The following PDE11A variants were observed in gnomAD, a reference collection of about 807,000 sequenced individuals.
The protein encoded by PDE11A is dual 3',5'-cyclic-AMP and -GMP phosphodiesterase 11A.
PDE11A carries 100 observed loss-of-function variants against 100.5 expected under a neutral mutation model. That is an observed-to-expected ratio of 1.00 (90% CI 0.85 to 1.18). The LOEUF is 1.18. Ranked by LOEUF, PDE11A falls within the 50% of genes most tolerant of loss-of-function variation. PDE11A has a pLI of 0.00. For synonymous variants in PDE11A, 381 were observed against 420.8 expected, an observed-to-expected ratio of 0.91 and a Z score of 1.16; for missense variants, 1,141 against 1,152.6, an observed-to-expected ratio of 0.99 and a Z score of 0.15.
intron 19 of PDE11A, among the ~76,000 whole-genome samples, chr2:177,640,324 A>T (rs893194129): frequency 4.6e-5 from 7 of 152,334 alleles, no homozygotes; most frequent in African/African-American, 9.6e-5. Flanking sequence ...GAAAATATCA[A>T]AAAAATCATT....
At chr2:177,765,251 A>G (rs573126909) in intron 10 of PDE11A, among the ~76,000 whole-genome samples, 2 of 152,312 alleles carry the variant, frequency 1.3e-5, no homozygotes, top group South Asian at 4.1e-4. Context: ...AAACAGAAAG[A>G]CCAGATATGA....
intron 12 of PDE11A, among the ~76,000 whole-genome samples, chr2:177,724,351 A>T (rs1244089282): frequency 6.6e-6 from 1 of 152,002 alleles, no homozygotes; most frequent in East Asian, 1.9e-4. Flanking sequence ...AAAGGAACAA[A>T]ACCGCTTTGT....
intron 9 of PDE11A, among the ~76,000 whole-genome samples, chr2:177,803,040 T>C (rs747045674): frequency 4.0e-5 from 6 of 151,854 alleles, no homozygotes; most frequent in Non-Finnish European, 5.9e-5. Context: ...TTCATTTTTG[T>C]CTTGAGAAAT....
At chr2:177,785,202 T>A (rs1483762156) in intron 9 of PDE11A, among the ~76,000 whole-genome samples, 4 of 152,174 alleles carry the variant, frequency 2.6e-5, no homozygotes, top group Non-Finnish European at 4.4e-5. Context: ...TATGCACTTT[T>A]CAATCATATT....
chr2:177,870,764 C>T (rs1045910608), intron 5 of PDE11A, among the ~76,000 whole-genome samples: 5 of 152,030 alleles, frequency 3.3e-5, no homozygotes, highest in South Asian at 2.1e-4. Context: ...AGGAAAAAAA[C>T]GGGATAATTC....
rs571018754 is a variant in PDE11A, at chr2:177,843,196, G to T, written c.1368-2813C>A. Reference sequence around the variant, plus strand: ...TGGATATGCTTCTCTATATTTTATAGATCAGAAAATGGAGACCTAGGATGC... The same window carrying T: ...TGGATATGCTTCTCTATATTTTATATATCAGAAAATGGAGACCTAGGATGC... On this transcript the variant is annotated intron_variant, in intron 5 of 19. Transcript: ENST00000286063. 5.3e-5 allele frequency among the ~76,000 whole-genome samples: 8 copies of T among 152,312 alleles called. No individual in the cohort carries two copies. The East Asian group carries it at 1.3e-3, about 26-fold the overall frequency.
At position 178,104,291 on chromosome 2, in the gene PDE11A, C is replaced by T. The variant is rs143017271; in HGVS notation, c.162+11G>A. On this transcript the variant is annotated intron_variant, in intron 2 of 20. Transcript: ENST00000358450. ...TGTATCTGGTTCTCTCCCACAACTG[C>T]TAGTTTTTACCTTTGTTTTTGTTTG... 9.6e-5 allele frequency: 155 copies of T among 1,612,238 alleles called. No homozygotes were observed. The African/African-American group carries it at 1.7e-3, about 18-fold the overall frequency.
chr2:177,631,651 G>C (rs747554087), intron 19 of PDE11A, among the ~76,000 whole-genome samples: 2 of 137,534 alleles, frequency 1.5e-5, no homozygotes, highest in African/African-American at 6.0e-5. Flanking sequence ...ATATATATGT[G>C]TGTGTATATA....
intron 9 of PDE11A, among the ~76,000 whole-genome samples, chr2:177,788,456 C>T (rs1337204714): frequency 6.6e-6 from 1 of 151,526 alleles, no homozygotes; most frequent in Non-Finnish European, 1.5e-5. Flanking sequence ...AAAATTAACA[C>T]CCTAACATCA....
At chr2:177,955,868 T>C (rs1360908010) in intron 2 of PDE11A, among the ~76,000 whole-genome samples, 7 of 152,172 alleles carry the variant, frequency 4.6e-5, no homozygotes, top group Non-Finnish European at 1.0e-4. Flanking sequence ...TGTAGAAAGC[T>C]GAAACTGGAT....
At chr2:178,021,329 C>T (rs114578885) in intron 1 of PDE11A, among the ~76,000 whole-genome samples, 1,998 of 152,222 alleles carry the variant, frequency 0.013, 40 homozygotes, top group African/African-American at 0.046. Flanking sequence ...GTCTTCATTA[C>T]ACTACTTATA....
chr2:177,831,362 C>T (rs2083305678), intron 6 of PDE11A, among the ~76,000 whole-genome samples: 1 of 152,196 alleles, frequency 6.6e-6, no homozygotes, highest in Non-Finnish European at 1.5e-5. Context: ...TCTCTTGCTG[C>T]ATATCTTGGG....
chr2:177,684,773 T>C (rs2105511876), intron 15 of PDE11A, among the ~76,000 whole-genome samples: 1 of 152,374 alleles, frequency 6.6e-6, no homozygotes. Context: ...AAGGATTAGT[T>C]ACTGTGATTA....
chr2:177,887,717 G>T (rs936733851), intron 4 of PDE11A, among the ~76,000 whole-genome samples: 2 of 152,180 alleles, frequency 1.3e-5, no homozygotes, highest in African/African-American at 4.8e-5. Flanking sequence ...TGGTGCCACT[G>T]CACTCCAGCG....
At chr2:177,905,900 C>G (rs751474956) in intron 2 of PDE11A, among the ~76,000 whole-genome samples, 1 of 152,128 alleles carries the variant, frequency 6.6e-6, no homozygotes, top group African/African-American at 2.4e-5. Context: ...AACACCCAGC[C>G]GTGATGGGCC....
At chr2:177,938,395 G>A (rs529708058) in intron 2 of PDE11A, among the ~76,000 whole-genome samples, 1 of 152,184 alleles carries the variant, frequency 6.6e-6, no homozygotes, top group Non-Finnish European at 1.5e-5. Flanking sequence ...CTAAAGGTGT[G>A]TGGTGCACCA....
At chr2:178,045,023 C>G (rs2086732047) in intron 1 of PDE11A, among the ~76,000 whole-genome samples, 1 of 152,190 alleles carries the variant, frequency 6.6e-6, no homozygotes, top group Non-Finnish European at 1.5e-5. Context: ...ACCGGTATGG[C>G]TGTAGCTTCA....
chr2:178,096,748 T>G (rs1172171188), intron 2 of PDE11A, among the ~76,000 whole-genome samples: 1 of 152,254 alleles, frequency 6.6e-6, no homozygotes, highest in East Asian at 1.9e-4. Context: ...TCCACATCAC[T>G]GTCAGCATTT....
At chr2:178,101,888 A>G (rs2087563062) in intron 2 of PDE11A, among the ~76,000 whole-genome samples, 1 of 152,232 alleles carries the variant, frequency 6.6e-6, no homozygotes, top group Non-Finnish European at 1.5e-5. Context: ...GACTTGACAA[A>G]TATTAAATTT....
Sources: allele counts gnomAD v4.1 joint callset (sites outside exome capture counted in the v4.1 genomes callset), GRCh38; gene constraint gnomAD v4.1.1; transcripts MANE v1.5; gene names NCBI Gene and HGNC (gene_info 2026-07-23, HGNC 2026-07-21).